TRAPPC9: variants seen among roughly 807,000 people sequenced by gnomAD.
TRAPPC9 encodes IKK2 binding protein.
TRAPPC9 carries 83 observed loss-of-function variants against 124.0 expected under a neutral mutation model. The ratio of observed to expected loss-of-function variants is 0.67; its 90% CI spans 0.56 to 0.80. TRAPPC9 has a LOEUF of 0.80. Among genes scored for constraint, TRAPPC9 ranks in the 30% least tolerant of loss-of-function variants. TRAPPC9 has a pLI of 0.00. For synonymous variants in TRAPPC9, 638 were observed against 617.5 expected (o/e 1.03, Z -0.49); for missense variants, 1,302 against 1,508.3 (o/e 0.86, Z 2.27).
chr8:140,333,139 A>G (rs982276963), intron 9 of TRAPPC9, among the ~76,000 whole-genome samples: 50 of 148,300 alleles, frequency 3.4e-4, no homozygotes, highest in African/African-American at 1.2e-3. Context: ...AAAAAAAAAG[A>G]GAAAAAGAAA....
chr8:139,903,242 T>C (rs1394550495), intron 20 of TRAPPC9, among the ~76,000 whole-genome samples: 1 of 152,198 alleles, frequency 6.6e-6, no homozygotes, highest in African/African-American at 2.4e-5. Context: ...TCTGGGTATC[T>C]AAAGCCATTT....
At chr8:140,300,391 T>TG (rs2065940670) in intron 11 of TRAPPC9, 78 bp downstream of exon 11, 11 of 1,591,170 alleles carry the variant, frequency 6.9e-6, no homozygotes, top group Middle Eastern at 1.7e-4. Flanking sequence ...TGGCTCAAAA[T>TG]GCTGTTCTAA....
intron 21 of TRAPPC9, among the ~76,000 whole-genome samples, chr8:139,821,860 T>C (rs1255565029): frequency 6.6e-6 from 1 of 152,116 alleles, no homozygotes; most frequent in Non-Finnish European, 1.5e-5. Flanking sequence ...ATCAAAAAGG[T>C]AGCAGCTGGA....
rs1057339278 is a variant in TRAPPC9 at position 139,729,075 on chromosome 8, G to C, written c.*1986C>G. Among the ~76,000 whole-genome samples, 1 of 152,136 alleles carries C rather than the reference G, an allele frequency of 6.6e-6. No individual in the cohort carries two copies. Among genetic ancestry groups the C allele is most frequent in the African/African-American group, 2.4e-5 (1 of 41,436 alleles). On this transcript the variant is annotated 3_prime_UTR_variant, in exon 23 of 23. Coordinates refer to ENST00000438773, the MANE Select transcript of TRAPPC9 (RefSeq NM_001160372.4). ...CTGTATCTTGATCTATTGTGCTTTT[G>C]AAAGGAAAGTACGTACTCAAGTCCC...
intron 17 of TRAPPC9, among the ~76,000 whole-genome samples, chr8:140,078,040 G>A (rs1364139283): frequency 6.6e-6 from 1 of 152,158 alleles, no homozygotes; most frequent in African/African-American, 2.4e-5. Flanking sequence ...AACACTGCAA[G>A]GCAAACTGTC....
At chr8:140,032,010 G>A (rs759339716) in intron 17 of TRAPPC9, among the ~76,000 whole-genome samples, 1 of 152,174 alleles carries the variant, frequency 6.6e-6, no homozygotes, top group Non-Finnish European at 1.5e-5. Context: ...CCTGGGCGAT[G>A]AGCCCAGTGC....
At chr8:139,763,663 CAT>C in intron 21 of TRAPPC9, among the ~76,000 whole-genome samples, 1 of 152,110 alleles carries the variant, frequency 6.6e-6, no homozygotes, top group South Asian at 2.1e-4. Context: ...CATGCACACA[CAT>C]GCACGCACGC....
chr8:140,423,755 T>A (rs371687185), intron 5 of TRAPPC9, among the ~76,000 whole-genome samples: 6 of 151,794 alleles, frequency 4.0e-5, no homozygotes, highest in South Asian at 2.1e-4. Flanking sequence ...TATATATACA[T>A]ATATATATAC....
intron 21 of TRAPPC9, among the ~76,000 whole-genome samples, chr8:139,816,892 T>A (rs4736100): frequency 1.3e-5 from 2 of 151,952 alleles, no homozygotes; most frequent in African/African-American, 4.8e-5. Flanking sequence ...AGGCACAGTC[T>A]CAGCTTCATT....
intron 17 of TRAPPC9, among the ~76,000 whole-genome samples, chr8:140,130,718 A>G (rs1318886297): frequency 2.6e-5 from 4 of 152,174 alleles, no homozygotes; most frequent in African/African-American, 9.7e-5. Context: ...GGTACAGAGA[A>G]TGCTGTGTGT....
At chr8:140,180,522 C>T (rs1316377938) in intron 17 of TRAPPC9, among the ~76,000 whole-genome samples, 1 of 152,104 alleles carries the variant, frequency 6.6e-6, no homozygotes, top group African/African-American at 2.4e-5. Flanking sequence ...ATTTCTAATA[C>T]ATTTCAAGAT....
chr8:140,010,753 G>T (rs978318406), intron 18 of TRAPPC9, among the ~76,000 whole-genome samples: 2 of 152,198 alleles, frequency 1.3e-5, no homozygotes, highest in African/African-American at 4.8e-5. Context: ...TATGGAGGAA[G>T]ATTCCATATT....
chr8:139,817,526 C>T (rs1870691), intron 21 of TRAPPC9, among the ~76,000 whole-genome samples: 57,423 of 152,112 alleles, frequency 0.38, 12,279 homozygotes, highest in African/African-American at 0.57. Context: ...AATCGAGCAG[C>T]CGCAGCGTGC....
chr8:140,109,296 C>T (rs2060721484), intron 17 of TRAPPC9, among the ~76,000 whole-genome samples: 1 of 152,062 alleles, frequency 6.6e-6, no homozygotes, highest in African/African-American at 2.4e-5. Context: ...TACTCCAGGG[C>T]AGTATGAACA....
intron 17 of TRAPPC9, among the ~76,000 whole-genome samples, chr8:140,120,966 C>A (rs371923683): frequency 4.6e-5 from 7 of 152,386 alleles, no homozygotes; most frequent in African/African-American, 1.7e-4. Context: ...TCCATCCACC[C>A]TTTCAATCAA....
At chr8:140,009,940 G>A (rs867756179) in intron 18 of TRAPPC9, among the ~76,000 whole-genome samples, 1 of 152,178 alleles carries the variant, frequency 6.6e-6, no homozygotes, top group South Asian at 2.1e-4. Flanking sequence ...AGGGAGAGAG[G>A]GAGGGAAGAT....
At chr8:139,924,882 T>C (rs1832715806) in intron 19 of TRAPPC9, among the ~76,000 whole-genome samples, 1 of 152,184 alleles carries the variant, frequency 6.6e-6, no homozygotes, top group African/African-American at 2.4e-5. Flanking sequence ...GTTTGCTGAA[T>C]GAGTTACTGG....
In TRAPPC9 at chr8:140,033,657, G is replaced by T. The variant is rs534447500; in HGVS notation, c.2557-9578C>A. Among the ~76,000 whole-genome samples the T allele has an allele frequency of 2.8e-4, 14 of 49,300 alleles. 1 individual carries two copies. The highest frequency in any genetic ancestry group is 5.5e-4 in the African/African-American group (13 of 23,710). The allele number at this position is 49,300 out of a possible 152,430, so 32.3% of individuals were successfully genotyped here. A position where few individuals can be genotyped will look rare whatever the true frequency, so the allele number is the denominator to read the frequency against. On this transcript the variant is annotated intron_variant, in intron 17 of 22. Coordinates refer to ENST00000438773, the MANE Select transcript of TRAPPC9 (RefSeq NM_001160372.4). ...ATTGAAATGCAACTCTTCATAATGT[G>T]GTTTTTTTTTTTTTTTTTTTTTTTT...
chr8:140,316,143 C>A (rs1033845512), intron 9 of TRAPPC9, among the ~76,000 whole-genome samples: 1 of 152,018 alleles, frequency 6.6e-6, no homozygotes, highest in Admixed American at 6.6e-5. Context: ...ACTGTGACAT[C>A]AGAATAGAAG....
Sources: gnomAD v4.1 joint callset for allele counts (sites outside exome capture counted in the v4.1 genomes callset) on GRCh38, gnomAD v4.1.1 for gene constraint, MANE v1.5 for transcripts, NCBI Gene and HGNC (gene_info 2026-07-23, HGNC 2026-07-21) for gene names.